TP63: variants seen among roughly 807,000 people sequenced by gnomAD.
TP63 encodes the protein tumor protein p63, also known as tumor protein 63.
TP63 carries 17 observed loss-of-function variants against 82.8 expected under a neutral mutation model. The ratio of observed to expected loss-of-function variants is 0.21; its 90% CI spans 0.14 to 0.31. TP63 has a LOEUF of 0.31. Ranked by LOEUF, TP63 falls within the 10% of genes least tolerant of loss-of-function variation. The pLI is 1.00. For synonymous variants in TP63, 330 were observed against 321.7 expected, an observed-to-expected ratio of 1.03 and a Z score of -0.28; for missense variants, 648 against 895.3, an observed-to-expected ratio of 0.72 and a Z score of 3.52.
intron 1 of TP63, among the ~76,000 whole-genome samples, chr3:189,656,619 A>G (rs1352011282): frequency 6.6e-6 from 1 of 152,142 alleles, no homozygotes; most frequent in Non-Finnish European, 1.5e-5. Context: ...GTCTGTAAAA[A>G]ACTCACTTTA....
chr3:189,630,538 A>G (rs1191019900), upstream of TP63, among the ~76,000 whole-genome samples: 1 of 152,188 alleles, frequency 6.6e-6, no homozygotes, highest in African/African-American at 2.4e-5. Flanking sequence ...TAAGACATAA[A>G]GAATAGAGTG....
At chr3:189,730,085 T>C (rs1371146623) in intron 1 of TP63, among the ~76,000 whole-genome samples, 3 of 152,204 alleles carry the variant, frequency 2.0e-5, no homozygotes, top group African/African-American at 7.2e-5. Flanking sequence ...TAATGAAGGC[T>C]TAAGCAATAA....
At chr3:189,780,018 A>G (rs903355246) in intron 3 of TP63, among the ~76,000 whole-genome samples, 1 of 152,186 alleles carries the variant, frequency 6.6e-6, no homozygotes, top group African/African-American at 2.4e-5. Flanking sequence ...ATTGAGTAAA[A>G]TGTTAACGGA....
intron 1 of TP63, among the ~76,000 whole-genome samples, chr3:189,700,914 A>G (rs1156322148): frequency 6.6e-6 from 1 of 152,232 alleles, no homozygotes; most frequent in Non-Finnish European, 1.5e-5. Flanking sequence ...TCATATTAAT[A>G]TCACCCAAAT....
At chr3:189,834,088 T>C (rs1712766025) in intron 4 of TP63, among the ~76,000 whole-genome samples, 1 of 152,144 alleles carries the variant, frequency 6.6e-6, no homozygotes, top group South Asian at 2.1e-4. Context: ...CGATACTTGT[T>C]AGGTATGAGG....
the TP63 span, among the ~76,000 whole-genome samples, chr3:189,620,544 C>T: frequency 1.1e-4 from 16 of 149,500 alleles, no homozygotes; most frequent in African/African-American, 3.9e-4. Flanking sequence ...TCTCTGACAG[C>T]CATGAGGTAG....
intron 11 of TP63, among the ~76,000 whole-genome samples, chr3:189,889,037 C>G (rs906191496): frequency 6.6e-6 from 1 of 152,036 alleles, no homozygotes; most frequent in Non-Finnish European, 1.5e-5. Context: ...AAGGCAAATA[C>G]AAGGAAGAAT....
At chr3:189,667,653 T>G (rs1307354816) in intron 1 of TP63, among the ~76,000 whole-genome samples, 1 of 151,802 alleles carries the variant, frequency 6.6e-6, no homozygotes, top group Non-Finnish European at 1.5e-5. Flanking sequence ...GACTTGAGAG[T>G]AGAACAGAAG....
At chr3:189,824,742 C>T (rs1028699803) in intron 4 of TP63, among the ~76,000 whole-genome samples, 2 of 151,882 alleles carry the variant, frequency 1.3e-5, no homozygotes, top group African/African-American at 4.8e-5. Flanking sequence ...GGGAGAGGCC[C>T]TTGTCAGAAT....
intron 1 of TP63, among the ~76,000 whole-genome samples, chr3:189,677,688 G>A (rs563762234): frequency 6.6e-6 from 1 of 152,008 alleles, no homozygotes; most frequent in Admixed American, 6.6e-5. Flanking sequence ...TTGCCATAAA[G>A]GTTGCACTAA....
the TP63 span, among the ~76,000 whole-genome samples, chr3:189,613,518 G>A: frequency 0.038 from 5,729 of 152,318 alleles, 124 homozygotes; most frequent in African/African-American, 0.059. Flanking sequence ...CTTGGGCAGT[G>A]CAGAAGGGAA....
intron 1 of TP63, among the ~76,000 whole-genome samples, chr3:189,686,598 A>T (rs1716455846): frequency 1.3e-5 from 2 of 152,048 alleles, no homozygotes; most frequent in East Asian, 3.9e-4. Flanking sequence ...GAATAAATAA[A>T]TAAATAAATA....
intron 3 of TP63, among the ~76,000 whole-genome samples, chr3:189,768,664 A>G (rs980504044): frequency 4.6e-5 from 7 of 152,314 alleles, no homozygotes; most frequent in Middle Eastern, 6.8e-3. Flanking sequence ...CTATGATACA[A>G]TATCTCCCGC....
At position 189,886,246 on chromosome 3, in the gene TP63, CAA is replaced by C; in HGVS notation, c.1350-145_1350-144del. The C allele has an allele frequency of 4.1e-5, 38 of 926,786 alleles. No individual in the cohort carries two copies. In the South Asian group the frequency reaches 5.7e-4, roughly 14 times the overall value. The allele number at this position is 926,786 out of a possible 1,614,324, so 57.4% of individuals were successfully genotyped here. A position where few individuals can be genotyped will look rare whatever the true frequency, so the allele number is the denominator to read the frequency against. On this transcript the variant is annotated intron_variant, in intron 10 of 13. Coordinates refer to ENST00000264731, the MANE Select transcript of TP63 (RefSeq NM_003722.5). Reference sequence around the variant, plus strand: ...TTCAGGAAATATTCTCAGATGGAAACAAAATTAACTTCTTACCATTAATCCTA... The same window carrying C: ...TTCAGGAAATATTCTCAGATGGAAACAATTAACTTCTTACCATTAATCCTA...
In TP63 at chr3:189,869,405, C is replaced by A; in HGVS notation, c.1211C>A (p.Pro404Gln). The change falls in exon 9 of 14, where the codon CCA becomes CAA. Residue 404 changes from proline to glutamine, a missense_variant and splice_region_variant. Pro to Gln is a moderately conservative substitution (Grantham distance 76). Around this residue, in one of 5 missense-constraint regions of TP63, gnomAD observed 342 missense variants for 425.7 expected, o/e 0.80. Coordinates refer to ENST00000264731, the MANE Select transcript of TP63 (RefSeq NM_003722.5). The stretch of plus-strand genomic sequence containing the variant: ...CCAGATGATGAACTGTTATACTTAC[C>A]AGTAGGTCTTCCTTGGGTGTTCATG... ...RSPDDELLYLPVRGRETYEML... is the reference protein window; with the variant it reads ...RSPDDELLYLQVRGRETYEML... 6.2e-7 allele frequency: 1 copy of A among 1,613,604 alleles called. No individual in the cohort carries two copies. The highest frequency in any genetic ancestry group is 8.5e-7 in the Non-Finnish European group (1 of 1,179,714).
At chr3:189,687,226 C>T (rs1577241324) in intron 1 of TP63, among the ~76,000 whole-genome samples, 1 of 152,236 alleles carries the variant, frequency 6.6e-6, no homozygotes, top group Non-Finnish European at 1.5e-5. Flanking sequence ...GTCAAATCAG[C>T]TCCACTTGAT....
intron 10 of TP63, among the ~76,000 whole-genome samples, chr3:189,877,922 C>T (rs1369004517): frequency 6.6e-6 from 1 of 152,108 alleles, no homozygotes. Context: ...AGCTATTTTG[C>T]CCAGGCTGGA....
At chr3:189,628,239 A>G (rs1248266437), upstream of TP63, among the ~76,000 whole-genome samples, 3 of 152,172 alleles carry the variant, frequency 2.0e-5, no homozygotes, top group African/African-American at 7.2e-5. Context: ...TCTTTGAAGG[A>G]TGAGCAAGAT....
chr3:189,853,314 G>A (rs1577108097), intron 4 of TP63, among the ~76,000 whole-genome samples: 1 of 152,148 alleles, frequency 6.6e-6, no homozygotes, highest in African/African-American at 2.4e-5. Context: ...CACGAAAAAA[G>A]CTCAAGACCC....
Sources: gnomAD v4.1 joint callset for allele counts (sites outside exome capture counted in the v4.1 genomes callset) on GRCh38, gnomAD v4.1.1 for gene constraint, gnomAD v4.1.1 regional missense constraint, MANE v1.5 for transcripts, NCBI Gene and HGNC (gene_info 2026-07-23, HGNC 2026-07-21) for gene names.